The following NECTIN1 variants were observed in gnomAD, a reference collection of about 807,000 sequenced individuals.
NECTIN1 encodes nectin cell adhesion molecule 1, also known as nectin-1.
NECTIN1 carries 23 observed loss-of-function variants against 48.0 expected under a neutral mutation model. The observed-to-expected ratio is 0.48, with a 90% confidence interval of 0.34 to 0.68. The LOEUF is 0.68. Among genes scored for constraint, NECTIN1 ranks in the 30% least tolerant of loss-of-function variants. The probability of loss-of-function intolerance (pLI) is 0.01; values close to 1 mark genes in which losing one functional copy is unlikely to be tolerated. For missense variants in NECTIN1, 591 were observed against 709.9 expected (o/e 0.83, Z 1.90); for synonymous variants, 270 against 288.9 (o/e 0.93, Z 0.66).
intron 5 of NECTIN1, among the ~76,000 whole-genome samples, chr11:119,668,481 C>G (rs544563998): frequency 7.9e-5 from 12 of 152,312 alleles, no homozygotes; most frequent in African/African-American, 2.9e-4. Context: ...GGTCAACTCA[C>G]CTTCCTTGCT....
intron 1 of NECTIN1, among the ~76,000 whole-genome samples, chr11:119,720,741 G>T (rs985673914): frequency 6.6e-5 from 10 of 152,228 alleles, no homozygotes; most frequent in African/African-American, 2.4e-4. Context: ...GGTACAGGCA[G>T]AGAGAAGGCT....
chr11:119,673,735 G>A lies in NECTIN1; in HGVS notation c.1003+1424C>T, dbSNP rs1864897877. On this transcript the variant is annotated intron_variant, in intron 5 of 5. Transcript: ENST00000264025. This position sits in a 1 kb window ranked among gnomAD's most constrained non-coding sequence, Gnocchi z 5.8. ...GCCCTGCCCTTCCCACCTCCCCCTT[G>A]ACTCCCCCAGTATCTCAGAGCTGGA... Among the ~76,000 whole-genome samples the A allele has an allele frequency of 6.6e-6, 1 of 152,182 alleles. No individual in the cohort carries two copies. Among genetic ancestry groups the A allele is most frequent in the East Asian group, 1.9e-4 (1 of 5,176 alleles).
intron 1 of NECTIN1, among the ~76,000 whole-genome samples, chr11:119,706,295 T>G (rs1327536376): frequency 2.0e-5 from 3 of 152,204 alleles, no homozygotes. Flanking sequence ...GACAGGTTTG[T>G]TTTTGTAGGG....
chr11:119,642,329 T>C (rs1438464783), intron 5 of NECTIN1: 1 of 151,488 alleles, frequency 6.6e-6, no homozygotes, highest in African/African-American at 2.4e-5. Context: ...TGAGGCAGGC[T>C]GGCATTTCCA....
intron 1 of NECTIN1, among the ~76,000 whole-genome samples, chr11:119,680,482 C>T (rs1373524553): frequency 6.6e-6 from 1 of 152,206 alleles, no homozygotes; most frequent in Non-Finnish European, 1.5e-5. Context: ...TGCTCACTCA[C>T]CTCCTCAGCG....
intron 5 of NECTIN1, chr11:119,640,038 AT>A: frequency 6.3e-7 from 1 of 1,590,974 alleles, no homozygotes; most frequent in Non-Finnish European, 8.6e-7. Flanking sequence ...AGGGAAGAGG[AT>A]TAGAGAGAGA....
rs1864722936 is a variant in NECTIN1, at chr11:119,664,316, G to A, written c.*431C>T. On this transcript the variant is annotated 3_prime_UTR_variant, in exon 6 of 6. Transcript: ENST00000264025. ...AGGAGGAGCAGCATCTGGGGGTGTG[G>A]GGAGCTTTTCCCTCTTAGAGCCCCT... 1 of 1,005,144 alleles carries A rather than the reference G, an allele frequency of 9.9e-7. No homozygotes were observed. The highest frequency in any genetic ancestry group is 5.3e-5 in the Admixed American group (1 of 18,770). The allele number at this position is 1,005,144 out of a possible 1,614,324, so 62.3% of individuals were successfully genotyped here. A position where few individuals can be genotyped will look rare whatever the true frequency, so the allele number is the denominator to read the frequency against.
chr11:119,727,666 G>C lies in NECTIN1; in HGVS notation c.79+809C>G, dbSNP rs552859212. Among the ~76,000 whole-genome samples, 1 of 152,306 alleles carries C rather than the reference G, an allele frequency of 6.6e-6. No homozygotes were observed. Among genetic ancestry groups the C allele is most frequent in the African/African-American group, 2.4e-5 (1 of 41,568 alleles). On this transcript the variant is annotated intron_variant, in intron 1 of 5. Coordinates refer to ENST00000264025, the MANE Select transcript of NECTIN1 (RefSeq NM_002855.5). This position sits in a 1 kb window ranked among gnomAD's most constrained non-coding sequence, Gnocchi z 4.1. ...CCACCCGTCAGAATGGGCCACCAGG[G>C]CCACCCCGGGGTCGGGCGCGAGGTT...
intron 5 of NECTIN1, among the ~76,000 whole-genome samples, chr11:119,647,220 T>A (rs1415171362): frequency 8.3e-6 from 1 of 119,968 alleles, no homozygotes; most frequent in Non-Finnish European, 1.8e-5. Flanking sequence ...TGTGTGTGTG[T>A]GTGACTGTGA....
intron 1 of NECTIN1, among the ~76,000 whole-genome samples, chr11:119,679,139 C>T (rs913580439): frequency 3.3e-5 from 5 of 152,192 alleles, no homozygotes; most frequent in Admixed American, 2.6e-4. Context: ...AGTAAACATA[C>T]GTCTGCACCC....
chr11:119,644,533 T>C (rs1461723865), intron 5 of NECTIN1, among the ~76,000 whole-genome samples: 1 of 152,196 alleles, frequency 6.6e-6, no homozygotes, highest in Non-Finnish European at 1.5e-5. Context: ...TAGACAAACG[T>C]GTGCCTCACA....
chr11:119,716,533 A>G (rs1313480041), intron 1 of NECTIN1, among the ~76,000 whole-genome samples: 2 of 152,234 alleles, frequency 1.3e-5, no homozygotes, highest in African/African-American at 4.8e-5. Flanking sequence ...TAAGTCATAA[A>G]AGACTGAGAT....
chr11:119,677,653 C>A lies in NECTIN1; in HGVS notation c.635G>T (p.Arg212Leu), dbSNP rs142930935. The A allele has an allele frequency of 6.2e-7, 1 of 1,614,028 alleles. No homozygotes were observed. The highest frequency in any genetic ancestry group is 8.5e-7 in the Non-Finnish European group (1 of 1,180,008). Residue 212 changes from arginine to leucine, a missense_variant, in exon 3 of 6, where the codon CGC becomes CTC. Arg to Leu is a moderately radical substitution (Grantham distance 102). Transcript: ENST00000264025. This position sits in a 1 kb window ranked among gnomAD's most constrained non-coding sequence, Gnocchi z 5.4. ...GTGGGCTTCCCTGCTGGGCACCAGG[C>A]GGTAGCGGCTGATGACCGTCACTGT... ...NGTVTVISRY[R>L]LVPSREAHQQ...
At chr11:119,674,068 C>T (rs1316488269) in intron 5 of NECTIN1, among the ~76,000 whole-genome samples, 1 of 152,214 alleles carries the variant, frequency 6.6e-6, no homozygotes, top group African/African-American at 2.4e-5. Flanking sequence ...TAAATATACC[C>T]ACAAATGAGG....
At chr11:119,659,724 T>C (rs949887202), downstream of NECTIN1, among the ~76,000 whole-genome samples, 5 of 152,332 alleles carry the variant, frequency 3.3e-5, no homozygotes, top group Middle Eastern at 3.4e-3. Flanking sequence ...CTGAGACTAA[T>C]TGGCTTGCCC....
At chr11:119,652,573 ATATGAAAAAG>A (rs781403477) in intron 5 of NECTIN1, among the ~76,000 whole-genome samples, 33 of 152,328 alleles carry the variant, frequency 2.2e-4, no homozygotes, top group South Asian at 8.3e-4. Flanking sequence ...TCTGATAGTC[ATATGAAAAAG>A]TGCTCAACAT....
chr11:119,682,815 A>G (rs889021670), intron 1 of NECTIN1, among the ~76,000 whole-genome samples: 3 of 152,110 alleles, frequency 2.0e-5, no homozygotes, highest in Admixed American at 2.0e-4. Context: ...ACTTCATTCA[A>G]CAAATATTTG....
intron 1 of NECTIN1, among the ~76,000 whole-genome samples, chr11:119,680,707 T>C (rs528011968): frequency 1.3e-5 from 2 of 152,380 alleles, no homozygotes; most frequent in Admixed American, 1.3e-4. Flanking sequence ...TACCGTGTTC[T>C]GAAAGTTTCC....
intron 1 of NECTIN1, chr11:119,713,634 C>T: frequency 3.1e-6 from 1 of 318,486 alleles, no homozygotes; most frequent in Non-Finnish European, 6.3e-6. Context: ...CCAACCGCTA[C>T]TCTCAGCCTT....
Sources: gnomAD v4.1 joint callset for allele counts (sites outside exome capture counted in the v4.1 genomes callset) on GRCh38, gnomAD v4.1.1 for gene constraint, Gnocchi (gnomAD v3.1) non-coding constraint, MANE v1.5 for transcripts, NCBI Gene and HGNC (gene_info 2026-07-23, HGNC 2026-07-21) for gene names.